FHIT: variants seen among roughly 807,000 people sequenced by gnomAD.
FHIT encodes bis(5'-adenosyl)-triphosphatase.
A neutral mutation model predicts 17.9 loss-of-function variants in FHIT; 19 were observed. The observed-to-expected ratio is 1.06, with a 90% confidence interval of 0.74 to 1.56. FHIT has a LOEUF of 1.56. Ranked by LOEUF, FHIT falls within the 40% of genes most tolerant of loss-of-function variation. FHIT has a pLI of 0.00. For missense variants in FHIT, 248 were observed against 189.2 expected (o/e 1.31, Z -1.82); for synonymous variants, 81 against 69.7 (o/e 1.16, Z -0.81).
intron 7 of FHIT, among the ~76,000 whole-genome samples, chr3:59,960,706 GT>G (rs373717201): frequency 2.2e-4 from 34 of 152,296 alleles, no homozygotes; most frequent in African/African-American, 6.5e-4. Flanking sequence ...TCTTCCTTTT[GT>G]TATGAGCATC....
chr3:61,064,085 G>C (rs1024142462), intron 2 of FHIT, among the ~76,000 whole-genome samples: 7 of 152,142 alleles, frequency 4.6e-5, no homozygotes, highest in Admixed American at 6.5e-5. Context: ...GAAACGTACT[G>C]GTCTCAGCCA....
intron 5 of FHIT, among the ~76,000 whole-genome samples, chr3:60,181,125 A>G (rs1701910908): frequency 6.7e-6 from 1 of 150,130 alleles, no homozygotes; most frequent in Non-Finnish European, 1.5e-5. Flanking sequence ...CAATCATTAC[A>G]CAGATTACAA....
At chr3:60,316,315 T>C (rs900373913) in intron 5 of FHIT, among the ~76,000 whole-genome samples, 1 of 152,206 alleles carries the variant, frequency 6.6e-6, no homozygotes, top group Non-Finnish European at 1.5e-5. Flanking sequence ...ATCTGCCTCT[T>C]TGCCAGATGT....
chr3:60,071,845 A>G (rs924291052), intron 5 of FHIT, among the ~76,000 whole-genome samples: 1 of 152,154 alleles, frequency 6.6e-6, no homozygotes, highest in Admixed American at 6.5e-5. Context: ...TTCTCATGAT[A>G]GTGAATAAGT....
At chr3:60,123,311 T>C (rs1705343170) in intron 5 of FHIT, among the ~76,000 whole-genome samples, 1 of 152,198 alleles carries the variant, frequency 6.6e-6, no homozygotes, top group Non-Finnish European at 1.5e-5. Flanking sequence ...TGATTCAGTG[T>C]TTCATAATGG....
chr3:60,988,021 G>T lies in FHIT; in HGVS notation c.-111+54026C>A, dbSNP rs181597761. Among the ~76,000 whole-genome samples, 300 of 152,270 alleles carry T rather than the reference G, an allele frequency of 2.0e-3. 1 individual carries two copies. Among genetic ancestry groups the T allele is most frequent in the African/African-American group, 7.1e-3 (293 of 41,546 alleles). On this transcript the variant is annotated intron_variant, in intron 3 of 9. Coordinates refer to ENST00000492590, the MANE Select transcript of FHIT (RefSeq NM_002012.4). ...CCAGGATTAATTTATGAAATTGTAT[G>T]ATGTGCTTTGAAGACTGAAGGCTTC... is the stretch of plus-strand genomic sequence containing the variant.
At chr3:60,686,784 A>G (rs1034480127) in intron 4 of FHIT, among the ~76,000 whole-genome samples, 2 of 152,166 alleles carry the variant, frequency 1.3e-5, no homozygotes, top group Non-Finnish European at 2.9e-5. Context: ...TCATAAGGCC[A>G]GAAAGACTGA....
At chr3:60,188,004 A>C (rs1702231477) in intron 5 of FHIT, among the ~76,000 whole-genome samples, 1 of 152,068 alleles carries the variant, frequency 6.6e-6, no homozygotes, top group South Asian at 2.1e-4. Context: ...TGACCTCTGA[A>C]ATTACCCCAT....
At chr3:60,729,566 C>G (rs2041986803) in intron 4 of FHIT, among the ~76,000 whole-genome samples, 1 of 152,098 alleles carries the variant, frequency 6.6e-6, no homozygotes. Flanking sequence ...CATGAGCATG[C>G]ATAGAAAATG....
chr3:60,074,116 G>T (rs929359269), intron 5 of FHIT, among the ~76,000 whole-genome samples: 1 of 152,078 alleles, frequency 6.6e-6, no homozygotes, highest in Non-Finnish European at 1.5e-5. Context: ...GAGGGTGACA[G>T]ACACATGGAC....
chr3:60,432,311 G>A (rs928328532), intron 5 of FHIT, among the ~76,000 whole-genome samples: 2 of 151,950 alleles, frequency 1.3e-5, no homozygotes, highest in Non-Finnish European at 2.9e-5. Flanking sequence ...ACTGACTATA[G>A]TTTTTGACAC....
At chr3:60,150,236 G>T (rs983573380) in intron 5 of FHIT, among the ~76,000 whole-genome samples, 1 of 151,824 alleles carries the variant, frequency 6.6e-6, no homozygotes, top group Non-Finnish European at 1.5e-5. Context: ...ACCTCAGGTG[G>T]TCCACCCACC....
At chr3:60,051,423 A>G (rs547115192) in intron 5 of FHIT, among the ~76,000 whole-genome samples, 1 of 150,822 alleles carries the variant, frequency 6.6e-6, no homozygotes, top group South Asian at 2.1e-4. Flanking sequence ...ACCTAGACAT[A>G]ACTTAAGGAG....
intron 1 of FHIT, among the ~76,000 whole-genome samples, chr3:61,249,991 A>ACAC (rs1553886933): frequency 6.3e-4 from 63 of 100,466 alleles, no homozygotes; most frequent in Non-Finnish European, 6.7e-4. Flanking sequence ...CACACACACA[A>ACAC]ACCCTAGACT....
intron 1 of FHIT, among the ~76,000 whole-genome samples, chr3:61,249,858 T>C (rs1390014958): frequency 1.3e-5 from 2 of 151,772 alleles, no homozygotes; most frequent in African/African-American, 4.8e-5. Flanking sequence ...TTTGGAAGCA[T>C]GTACGTTAAT....
chr3:60,364,812 A>T (rs1700043446), intron 5 of FHIT, among the ~76,000 whole-genome samples: 1 of 152,178 alleles, frequency 6.6e-6, no homozygotes. Flanking sequence ...GGCTGAAAGA[A>T]CAAAAAGGTA....
At chr3:60,766,421 A>G (rs184773695) in intron 4 of FHIT, among the ~76,000 whole-genome samples, 65 of 152,198 alleles carry the variant, frequency 4.3e-4, no homozygotes, top group Non-Finnish European at 6.5e-4. Context: ...GTACTTCAAC[A>G]CAGACTCTTT....
At chr3:60,968,484 C>CA (rs1709854237) in intron 3 of FHIT, among the ~76,000 whole-genome samples, 1 of 148,360 alleles carries the variant, frequency 6.7e-6, no homozygotes, top group South Asian at 2.1e-4. Context: ...GTGGCATGAT[C>CA]TTGGCTCACT....
chr3:59,868,364 A>G (rs1231414213), intron 8 of FHIT, among the ~76,000 whole-genome samples: 1 of 152,144 alleles, frequency 6.6e-6, no homozygotes, highest in Non-Finnish European at 1.5e-5. Context: ...TCTCCATGTG[A>G]CTGTCAGTGT....
Sources: allele counts gnomAD v4.1 joint callset (sites outside exome capture counted in the v4.1 genomes callset), GRCh38; gene constraint gnomAD v4.1.1; transcripts MANE v1.5; gene names NCBI Gene and HGNC (gene_info 2026-07-23, HGNC 2026-07-21).